The following COL12A1 variants were observed in gnomAD, a reference collection of about 807,000 sequenced individuals.
COL12A1 encodes the protein collagen type XII alpha 1 chain.
Under a neutral mutation model 349.7 loss-of-function variants are expected in COL12A1, and 114 were observed. That is an observed-to-expected ratio of 0.33 (90% CI 0.28 to 0.38). The LOEUF is 0.38. Ranked by LOEUF, COL12A1 falls within the 10% of genes least tolerant of loss-of-function variation. The pLI is 1.00. For synonymous variants in COL12A1, 1,369 were observed against 1,329.0 expected (o/e 1.03, Z -0.66); for missense variants, 3,284 against 3,756.9 (o/e 0.87, Z 3.29).
At chr6:75,177,997 A>C (rs1325518514) in intron 11 of COL12A1, 62 bp from the exon 12 acceptor site, 3 of 1,459,290 alleles carry the variant, frequency 2.1e-6, no homozygotes, top group African/African-American at 2.9e-5. Context: ...TATGAAAAAT[A>C]CAAAAATTAC....
chr6:75,175,923 A>G (rs1768915709), intron 12 of COL12A1, among the ~76,000 whole-genome samples: 1 of 152,236 alleles, frequency 6.6e-6, no homozygotes, highest in South Asian at 2.1e-4. Context: ...TAGATTGGTC[A>G]TGTCCTCTTT....
At chr6:75,088,979 T>A in intron 64 of COL12A1, 127 bp downstream of exon 64, 1 of 714,556 alleles carries the variant, frequency 1.4e-6, no homozygotes, top group Non-Finnish European at 2.3e-6. Flanking sequence ...CCAGCCTGGG[T>A]GACAGAGCAA....
chr6:75,128,194 T>C (rs930443701), intron 38 of COL12A1, 102 bp downstream of exon 38: 2 of 1,011,334 alleles, frequency 2.0e-6, no homozygotes, highest in Non-Finnish European at 1.4e-6. Flanking sequence ...ATTTGAGATG[T>C]ATTGGTAAAG....
At chr6:75,127,252 G>A (rs1409707670) in intron 38 of COL12A1, among the ~76,000 whole-genome samples, 4 of 152,054 alleles carry the variant, frequency 2.6e-5, no homozygotes, top group African/African-American at 4.8e-5. Context: ...AAAAAGTGAG[G>A]TTGTTAAAAT....
chr6:75,192,435 T>G, intron 3 of COL12A1, 80 bp from the exon 4 acceptor site: 1 of 1,304,398 alleles, frequency 7.7e-7, no homozygotes, highest in Non-Finnish European at 1.1e-6. Flanking sequence ...TTCCCAGAGG[T>G]ACTCAAAATC....
chr6:75,143,618 G>A (rs963367964), intron 25 of COL12A1, among the ~76,000 whole-genome samples: 12 of 152,098 alleles, frequency 7.9e-5, no homozygotes, highest in African/African-American at 2.7e-4. Context: ...TTATCACAAG[G>A]CTAACTTCTC....
intron 15 of COL12A1, 101 bp downstream of exon 15, chr6:75,156,155 AC>A: frequency 2.2e-6 from 3 of 1,351,736 alleles, no homozygotes; most frequent in Non-Finnish European, 3.1e-6. Context: ...TTAACTTATT[AC>A]GGAATCAGTT....
chr6:75,113,808 A>C, intron 49 of COL12A1, 64 bp from the exon 50 acceptor site: 1 of 1,279,818 alleles, frequency 7.8e-7, no homozygotes, highest in Non-Finnish European at 1.1e-6. Context: ...AGAAAGAAAG[A>C]TTGATTGCTT....
chr6:75,109,199 T>C (rs959137356), intron 51 of COL12A1, 32 bp from the exon 52 acceptor site: 1 of 1,492,296 alleles, frequency 6.7e-7, no homozygotes, highest in Non-Finnish European at 9.0e-7. Flanking sequence ...ATTATAAAAT[T>C]TCTACACTAA....
chr6:75,146,396 C>A (rs1177760525), intron 23 of COL12A1, 152 bp from the exon 24 acceptor site: 8 of 865,500 alleles, frequency 9.2e-6, no homozygotes, highest in Admixed American at 3.9e-5. Context: ...CTTCCCATTG[C>A]CCCAAAAAAT....
chr6:75,132,197 A>G (rs1273988543), intron 34 of COL12A1, 115 bp from the exon 35 acceptor site: 4 of 1,278,558 alleles, frequency 3.1e-6, no homozygotes, highest in East Asian at 2.4e-5. Flanking sequence ...TCTTCTTTAT[A>G]CTTCTAATTA....
chr6:75,096,591 A>C (rs1452703532), intron 59 of COL12A1, among the ~76,000 whole-genome samples: 2 of 152,224 alleles, frequency 1.3e-5, no homozygotes, highest in African/African-American at 4.8e-5. Flanking sequence ...TTATAGGCAC[A>C]GATTCTTAAA....
chr6:75,168,177 A>G (rs1261791649), intron 13 of COL12A1, among the ~76,000 whole-genome samples: 1 of 152,212 alleles, frequency 6.6e-6, no homozygotes, highest in Non-Finnish European at 1.5e-5. Flanking sequence ...TCAATCAGTC[A>G]GTTTGATAAG....
chr6:75,171,514 T>C (rs905447488), intron 13 of COL12A1, among the ~76,000 whole-genome samples: 4 of 152,238 alleles, frequency 2.6e-5, no homozygotes, highest in Admixed American at 2.0e-4. Flanking sequence ...CCTTTTGAAT[T>C]GAAAGCCATA....
chr6:75,186,102 C>T (rs1242127084), intron 8 of COL12A1, among the ~76,000 whole-genome samples: 2 of 152,078 alleles, frequency 1.3e-5, no homozygotes, highest in African/African-American at 4.8e-5. Flanking sequence ...GCAACAAAAA[C>T]AAAAATTGAC....
chr6:75,136,887 G>A (rs185722096), intron 31 of COL12A1, among the ~76,000 whole-genome samples: 31 of 152,178 alleles, frequency 2.0e-4, no homozygotes, highest in East Asian at 1.2e-3. Context: ...ACTGAGTTTC[G>A]AGTCCTACCA....
At chr6:75,134,678 T>C in intron 32 of COL12A1, 48 bp downstream of exon 32, 1 of 1,488,988 alleles carries the variant, frequency 6.7e-7, no homozygotes, top group Non-Finnish European at 9.0e-7. Flanking sequence ...ATGATTCCAT[T>C]CTAATAGTAG....
rs594012 is a variant in COL12A1 at position 75,132,006 on chromosome 6, A to T, written c.5871T>A (p.Ala1957=). The T allele has an allele frequency of 0.88, 1,422,640 of 1,613,972 alleles. 627,348 individuals carry two copies. Among genetic ancestry groups the T allele is most frequent in the Admixed American group, 0.92 (55,226 of 60,026 alleles). Residue 1957 remains alanine, a synonymous_variant, in exon 35 of 66, where the codon GCT becomes GCA. Transcript: ENST00000322507. The stretch of plus-strand genomic sequence containing the variant: ...CGCGATATTGCAGCACAGGTCCTGG[A>T]GCAGGGTCCCAGCGAACATCGAGGC... ...PNSLDVRWDP[A]PGPVLQYRVV...
chr6:75,192,142 A>C, intron 4 of COL12A1, 70 bp downstream of exon 4: 2 of 1,231,246 alleles, frequency 1.6e-6, no homozygotes, highest in Non-Finnish European at 1.1e-6. Flanking sequence ...TAAAAGATTA[A>C]ATCTGAAGTT....
Sources: allele counts gnomAD v4.1 joint callset (sites outside exome capture counted in the v4.1 genomes callset), GRCh38; gene constraint gnomAD v4.1.1; transcripts MANE v1.5; gene names NCBI Gene and HGNC (gene_info 2026-07-23, HGNC 2026-07-21).